DGKQ: variants seen among roughly 807,000 people sequenced by gnomAD.
The protein encoded by DGKQ is diacylglycerol kinase theta.
A neutral mutation model predicts 104.2 loss-of-function variants in DGKQ; 97 were observed. The observed-to-expected ratio is 0.93, with a 90% CI of 0.79 to 1.10. The LOEUF (loss-of-function observed/expected upper bound fraction) is 1.10. DGKQ is among the 50% of genes least tolerant of loss of function. The pLI is 0.00. For missense variants in DGKQ, 1,465 were observed against 1,352.1 expected, an observed-to-expected ratio of 1.08 and a Z score of -1.31; for synonymous variants, 736 against 595.2, an observed-to-expected ratio of 1.24 and a Z score of -3.44.
At chr4:970,189 G>A (rs927821391) in intron 2 of DGKQ, among the ~76,000 whole-genome samples, 3 of 152,240 alleles carry the variant, frequency 2.0e-5, no homozygotes, top group African/African-American at 4.8e-5. Context: ...CCGGATGCCC[G>A]CCAGTGGCAG....
chr4:965,420 C>T (rs1020608869), intron 14 of DGKQ, 71 bp downstream of exon 14: 2 of 1,562,048 alleles, frequency 1.3e-6, no homozygotes, highest in Middle Eastern at 1.7e-4. Context: ...TACGTGAGGG[C>T]CAGGGCTGTC....
Position 967,008 on chromosome 4 carries a change from C to T in DGKQ, c.1267G>A (p.Ala423Thr). ...VSVRVTPKSTARSVVLEVLPL... is the reference protein window; with the variant it reads ...VSVRVTPKSTTRSVVLEVLPL... ...AGGACCTCCAGCACCACAGAGCGGG[C>T]CGTGCTCTTCGGGGTCACTCGCACG... The change falls in exon 10 of 23, where the codon GCC (alanine) becomes ACC (threonine). Residue 423 changes from alanine (A) to threonine (T), a missense_variant. Ala to Thr is a moderately conservative substitution (Grantham distance 58). Transcript: ENST00000273814. The T allele has an allele frequency of 6.4e-7, 1 of 1,564,748 alleles. No individual in the cohort carries two copies. The highest frequency in any genetic ancestry group is 1.2e-5 in the South Asian group (1 of 85,408).
At position 968,308 on chromosome 4, in the gene DGKQ, C is replaced by A; in HGVS notation, c.637G>T (p.Val213Leu). Residue 213 changes from valine (V) to leucine (L), a missense_variant, in exon 5 of 23, where the codon GTG (valine) becomes TTG (leucine). Coordinates refer to ENST00000273814, the MANE Select transcript of DGKQ (RefSeq NM_001347.4). ...TGGACCCCGCACCACTCGCAGCGCA[C>A]GCCGGCCAGCACGTCAGAGGAGCCG... ...TCGSSDVLAGVRCEWCGVQAH... is the reference protein window; with the variant it reads ...TCGSSDVLAGLRCEWCGVQAH... 1 of 1,527,310 alleles carries A rather than the reference C, an allele frequency of 6.5e-7. No individual in the cohort carries two copies. Among genetic ancestry groups the A allele is most frequent in the Non-Finnish European group, 8.8e-7 (1 of 1,142,856 alleles). The allele number at this position is 1,527,310 out of a possible 1,614,324, so 94.6% of individuals were successfully genotyped here. A position where few individuals can be genotyped will look rare whatever the true frequency, so the allele number is the denominator to read the frequency against.
In DGKQ at chr4:966,764, C is replaced by T. The variant is rs150113073; in HGVS notation, c.1350G>A (p.Ala450=). ...TCTACTCACCGTGCCTGCAGCCCAT[C>T]GCCACCTCCACCAGCTGGAAGCTCT... ...SPESFQLVEV[A]MGCRHVQRTM... The change falls in exon 11 of 23, where the codon GCG becomes GCA. Residue 450 remains alanine, a synonymous_variant. Coordinates refer to ENST00000273814, the MANE Select transcript of DGKQ (RefSeq NM_001347.4). 1.3e-5 allele frequency: 21 copies of T among 1,609,342 alleles called. No homozygotes were observed. Among genetic ancestry groups the T allele is most frequent in the African/African-American group, 5.3e-5 (4 of 74,872 alleles).
At position 973,377 on chromosome 4, in the gene DGKQ, G is replaced by A; in HGVS notation, c.106C>T (p.Arg36Cys). The A allele has an allele frequency of 8.8e-7, 1 of 1,133,592 alleles. No individual in the cohort carries two copies. The highest frequency in any genetic ancestry group is 1.1e-6 in the Non-Finnish European group (1 of 927,772). 70.2% of individuals were successfully genotyped at this position (1,133,592 alleles called of 1,614,324 possible). The part of the protein sequence containing the change: ...SPVLGSGGRA[R>C]PGPGPGPGPE... ...CCCGGCCCCGGCCCCGGCCCCGGGC[G>A]CGCGCGGCCTCCTGAGCCCAGCACG... The change falls in exon 1 of 23, where the codon CGC becomes TGC. Residue 36 changes from arginine (R) to cysteine (C), a missense_variant. Coordinates refer to ENST00000273814, the MANE Select transcript of DGKQ (RefSeq NM_001347.4).
At chr4:972,950 G>C (rs1206939633) in intron 1 of DGKQ, among the ~76,000 whole-genome samples, 1 of 152,170 alleles carries the variant, frequency 6.6e-6, no homozygotes, top group Non-Finnish European at 1.5e-5. Flanking sequence ...GGTCCCGCTC[G>C]CATCAGGCAC....
At chr4:960,849 G>T in intron 22 of DGKQ, 128 bp from the exon 23 acceptor site, 1 of 1,484,686 alleles carries the variant, frequency 6.7e-7, no homozygotes, top group Non-Finnish European at 9.0e-7. Flanking sequence ...GAAGGGGAGG[G>T]ACCTGTCTGG....
At chr4:960,866 C>T (rs899534662) in intron 22 of DGKQ, 145 bp from the exon 23 acceptor site, 10 of 1,475,216 alleles carry the variant, frequency 6.8e-6, no homozygotes, top group African/African-American at 5.6e-5. Flanking sequence ...CTGGCTGCTC[C>T]CTGTGCCACC....
intron 10 of DGKQ, 67 bp from the exon 11 acceptor site, chr4:966,869 A>C (rs1712396981): frequency 1.3e-6 from 2 of 1,565,002 alleles, no homozygotes; most frequent in African/African-American, 1.4e-5. Context: ...CCGCGGGGAC[A>C]GCCACGCCTG....
rs759596758 is a variant in DGKQ at position 961,778 on chromosome 4, C to T, written c.2372G>A (p.Arg791Gln). The T allele has an allele frequency of 1.9e-5, 31 of 1,611,346 alleles. No individual in the cohort carries two copies. Among genetic ancestry groups the T allele is most frequent in the Non-Finnish European group, 2.2e-5 (26 of 1,179,312 alleles). ...RVGLQKISHS[R>Q]SLHKQIRLQV... Reference sequence around the variant, plus strand: ...CAGCCGGATCTGCTTGTGCAGGCTCCGAGAGTGACTGATCTTCTGCAGCCC... The same window carrying T: ...CAGCCGGATCTGCTTGTGCAGGCTCTGAGAGTGACTGATCTTCTGCAGCCC... Residue 791 changes from arginine (R) to glutamine (Q), a missense_variant, in exon 20 of 23, where the codon CGG becomes CAG. Coordinates refer to ENST00000273814, the MANE Select transcript of DGKQ (RefSeq NM_001347.4).
chr4:967,930 C>CCGGGCAGAAGG lies in DGKQ; in HGVS notation c.750_760dup (p.Gly254AlafsTer51), dbSNP rs990364298. ...GAAGCTCTGCGTCTTGCTGAAGCCG[C>CCGGGCAGAAGG]CGGGCAGAAGGCGCACGCACGCGGG... is the stretch of plus-strand genomic sequence containing the variant. On this transcript the variant is annotated frameshift_variant, in exon 6 of 23. Transcript: ENST00000273814. LOFTEE classifies it high-confidence loss of function. The CCGGGCAGAAGG allele has an allele frequency of 1.4e-6, 2 of 1,472,276 alleles. No individual in the cohort carries two copies. Among genetic ancestry groups the CCGGGCAGAAGG allele is most frequent in the African/African-American group, 2.9e-5 (2 of 68,444 alleles). The allele number at this position is 1,472,276 out of a possible 1,614,324, so 91.2% of individuals were successfully genotyped here. A position where few individuals can be genotyped will look rare whatever the true frequency, so the allele number is the denominator to read the frequency against.
In DGKQ at chr4:966,058, G is replaced by A; in HGVS notation, c.1449C>T (p.Ser483=). 1 of 1,602,610 alleles carries A rather than the reference G, an allele frequency of 6.2e-7. No homozygotes were observed. Among genetic ancestry groups the A allele is most frequent in the Non-Finnish European group, 8.5e-7 (1 of 1,175,674 alleles). The change falls in exon 13 of 23, where the codon AGC becomes AGT. Residue 483 remains serine (S), a synonymous_variant. Transcript: ENST00000273814. ...TCTCTGCCACGTAGAACCGCGTCTG[G>A]CTCACCTGCCGCACAGACATCTGCA... is the stretch of plus-strand genomic sequence containing the variant. The part of the protein sequence containing the change: ...DIRQMSVRQV[S]QTRFYVAESR...
chr4:961,586 A>G lies in DGKQ; in HGVS notation c.2463-8T>C, dbSNP rs772136457. On this transcript the variant is annotated splice_region_variant and splice_polypyrimidine_tract_variant and intron_variant, in intron 20 of 22. Coordinates refer to ENST00000273814, the MANE Select transcript of DGKQ (RefSeq NM_001347.4). ...TCGGCCCCCGAGCCCCAGCTGCCGC[A>G]TAAGAGAGCGGGCACAGAGGTGTAG... 4.3e-6 allele frequency: 7 copies of G among 1,609,638 alleles called. No homozygotes were observed. The highest frequency in any genetic ancestry group is 3.3e-5 in the South Asian group (3 of 90,828).
chr4:963,171 G>C lies in DGKQ; in HGVS notation c.1854C>G (p.Val618=). ...GAGGACCTCCGTTGGTCAGGTCGAA[G>C]ACCTGATGAGGGTTCAGTAGCTTCC... The part of the protein sequence containing the change: ...SFRKLLNPHQ[V]FDLTNGGPLP... Residue 618 remains valine (V), a synonymous_variant, in exon 16 of 23, where the codon GTC becomes GTG. Coordinates refer to ENST00000273814, the MANE Select transcript of DGKQ (RefSeq NM_001347.4). 1 of 1,608,590 alleles carries C rather than the reference G, an allele frequency of 6.2e-7. No individual in the cohort carries two copies. The highest frequency in any genetic ancestry group is 8.5e-7 in the Non-Finnish European group (1 of 1,176,528).
chr4:967,618 G>A lies in DGKQ; in HGVS notation c.918C>T (p.Asp306=), dbSNP rs750758896. ...GGAACTGGCTTCTTCTCACCGCGTC[G>A]TCGCCATCAAAGATCTTCAGCGTTT... ...GKQTLKIFDG[D]DAVRRSQFRL... The change falls in exon 8 of 23, where the codon GAC becomes GAT. Residue 306 remains aspartate, a synonymous_variant. Coordinates refer to ENST00000273814, the MANE Select transcript of DGKQ (RefSeq NM_001347.4). 1.9e-5 allele frequency: 30 copies of A among 1,612,526 alleles called. No homozygotes were observed. Among genetic ancestry groups the A allele is most frequent in the South Asian group, 1.1e-4 (10 of 91,078 alleles).
chr4:961,419 C>T (rs1243073093), intron 21 of DGKQ, 48 bp downstream of exon 21: 44 of 1,536,074 alleles, frequency 2.9e-5, no homozygotes, highest in Admixed American at 3.8e-5. Flanking sequence ...CAGCGGGGAC[C>T]GGGGACGCCC....
chr4:968,280 A>G lies in DGKQ; in HGVS notation c.663+2T>C. The G allele has an allele frequency of 2.2e-6, 1 of 451,190 alleles. No individual in the cohort carries two copies. Among genetic ancestry groups the G allele is most frequent in the Non-Finnish European group, 2.9e-6 (1 of 349,492 alleles). The allele number at this position is 451,190 out of a possible 1,614,324, so 27.9% of individuals were successfully genotyped here. ...CCACCCCCTCGACTTCCCAGCGCCC[A>G]CCTGGACCCCGCACCACTCGCAGCG... On this transcript the variant is annotated splice_donor_variant, in intron 5 of 22. Transcript: ENST00000273814. LOFTEE classifies it high-confidence loss of function.
intron 2 of DGKQ, 71 bp downstream of exon 2, chr4:970,921 AG>A (rs1315471246): frequency 8.2e-7 from 1 of 1,222,308 alleles, no homozygotes; most frequent in African/African-American, 1.5e-5. Flanking sequence ...GAAGGTTTTC[AG>A]TGCCTCGACC....
At chr4:961,627 G>C in intron 20 of DGKQ, 49 bp from the exon 21 acceptor site, 1 of 1,610,612 alleles carries the variant, frequency 6.2e-7, no homozygotes, top group Non-Finnish European at 8.5e-7. Context: ...GGCAGGACGA[G>C]GGCTGAGCCT....
Sources: gnomAD v4.1 joint callset for allele counts (sites outside exome capture counted in the v4.1 genomes callset) on GRCh38, gnomAD v4.1.1 for gene constraint, MANE v1.5 for transcripts, NCBI Gene and HGNC (gene_info 2026-07-23, HGNC 2026-07-21) for gene names.